The following NCAM2 variants were observed in gnomAD, a reference collection of about 807,000 sequenced individuals.
The protein encoded by NCAM2 is neural cell adhesion molecule 2, also known as N-CAM-2.
Under a neutral mutation model 98.1 loss-of-function variants are expected in NCAM2, and 30 were observed. The observed-to-expected ratio is 0.31, with a 90% CI of 0.23 to 0.41. NCAM2 has a LOEUF of 0.41. Among genes scored for constraint, NCAM2 ranks in the 10% least tolerant of loss-of-function variants. NCAM2 has a pLI of 1.00. For missense variants in NCAM2, 867 were observed against 1,005.8 expected (o/e 0.86, Z 1.87); for synonymous variants, 368 against 342.4 (o/e 1.07, Z -0.83).
chr21:21,119,583 G>A (rs1341302050), intron 1 of NCAM2, among the ~76,000 whole-genome samples: 1 of 151,882 alleles, frequency 6.6e-6, no homozygotes, highest in African/African-American at 2.4e-5. Context: ...CTAATTATAT[G>A]TGTCTTAAAA....
chr21:21,014,913 C>T (rs139433392), intron 1 of NCAM2, among the ~76,000 whole-genome samples: 3 of 152,190 alleles, frequency 2.0e-5, no homozygotes, highest in Non-Finnish European at 4.4e-5. Flanking sequence ...AGTTATTCCT[C>T]GTATTTCTCC....
chr21:21,345,400 A>C (rs1415593467), intron 8 of NCAM2, among the ~76,000 whole-genome samples: 1 of 152,120 alleles, frequency 6.6e-6, no homozygotes, highest in Non-Finnish European at 1.5e-5. Flanking sequence ...TGGAATTCAT[A>C]ATTCTATCAG....
intron 1 of NCAM2, among the ~76,000 whole-genome samples, chr21:21,019,345 T>C (rs1269824919): frequency 1.3e-5 from 2 of 152,348 alleles, no homozygotes; most frequent in Non-Finnish European, 2.9e-5. Context: ...TTATTTTTAT[T>C]TGTAGACATG....
chr21:21,063,910 A>T (rs775199497), intron 1 of NCAM2, among the ~76,000 whole-genome samples: 1 of 152,218 alleles, frequency 6.6e-6, no homozygotes, highest in African/African-American at 2.4e-5. Context: ...GGCCATGGGC[A>T]TGTGATATTT....
rs369358415 is a variant in NCAM2 at position 21,182,923 on chromosome 21, T to C, written c.56-97655T>C. 6.6e-5 allele frequency among the ~76,000 whole-genome samples: 10 copies of C among 152,214 alleles called. 1 individual carries two copies. The highest frequency in any genetic ancestry group is 2.4e-4 in the African/African-American group (10 of 41,564). Reference sequence around the variant, plus strand: ...CTCTTCTGTGAGACAAAATAAATAGTCCAGCAAAAGTAAGATAATTTGATA... The same window carrying C: ...CTCTTCTGTGAGACAAAATAAATAGCCCAGCAAAAGTAAGATAATTTGATA... On this transcript the variant is annotated intron_variant, in intron 1 of 17. Coordinates refer to ENST00000400546, the MANE Select transcript of NCAM2 (RefSeq NM_004540.5).
intron 11 of NCAM2, among the ~76,000 whole-genome samples, chr21:21,425,040 C>CAA (rs1192128472): frequency 0.016 from 701 of 43,808 alleles, 37 homozygotes; most frequent in African/African-American, 0.034. Context: ...CTTCCTCCTC[C>CAA]AAAAAAAAAA....
chr21:21,079,779 C>T (rs561640880), intron 1 of NCAM2, among the ~76,000 whole-genome samples: 1 of 152,274 alleles, frequency 6.6e-6, no homozygotes, highest in East Asian at 1.9e-4. Context: ...GACATTAAGA[C>T]TATCTAGCCA....
chr21:21,070,801 A>G (rs1601276882), intron 1 of NCAM2, among the ~76,000 whole-genome samples: 1 of 152,180 alleles, frequency 6.6e-6, no homozygotes, highest in South Asian at 2.1e-4. Flanking sequence ...ATTGGTAGTA[A>G]CCTACATCCT....
At chr21:21,485,179 T>C (rs1023461956) in intron 15 of NCAM2, among the ~76,000 whole-genome samples, 3 of 152,178 alleles carry the variant, frequency 2.0e-5, no homozygotes, top group African/African-American at 7.2e-5. Flanking sequence ...GGAATAAATG[T>C]GAAACAGTTT....
chr21:21,150,979 TA>T (rs2067431535), intron 1 of NCAM2, among the ~76,000 whole-genome samples: 2 of 101,392 alleles, frequency 2.0e-5, no homozygotes, highest in Non-Finnish European at 4.8e-5. Flanking sequence ...ATTTTAAAAA[TA>T]TATATATATT....
At chr21:21,131,421 G>A (rs1425340284) in intron 1 of NCAM2, among the ~76,000 whole-genome samples, 2 of 152,068 alleles carry the variant, frequency 1.3e-5, no homozygotes, top group African/African-American at 4.8e-5. Flanking sequence ...TTACAGGCAT[G>A]CGCCACCACA....
rs1192128472 is a variant in NCAM2 at position 21,425,040 on chromosome 21, C to CAAAAA, written c.1480+6495_1480+6499dup. On this transcript the variant is annotated intron_variant, in intron 11 of 17. Coordinates refer to ENST00000400546, the MANE Select transcript of NCAM2 (RefSeq NM_004540.5). ...GACAAAAGCGGGACTCTTCCTCCTC[C>CAAAAA]AAAAAAAAAAAAAAAAAAAAAAAAA... is the stretch of plus-strand genomic sequence containing the variant. Among the ~76,000 whole-genome samples, 138 of 43,838 alleles carry CAAAAA rather than the reference C, an allele frequency of 3.1e-3. 8 individuals carry two copies. Among genetic ancestry groups the CAAAAA allele is most frequent in the East Asian group, 5.6e-3 (10 of 1,794 alleles). 28.8% of individuals were successfully genotyped at this position (43,838 alleles called of 152,430 possible). A position where few individuals can be genotyped will look rare whatever the true frequency, so the allele number is the denominator to read the frequency against.
intron 8 of NCAM2, among the ~76,000 whole-genome samples, chr21:21,351,037 G>A (rs2075322545): frequency 6.7e-6 from 1 of 148,896 alleles, no homozygotes; most frequent in African/African-American, 2.5e-5. Context: ...TGGCGTGAAC[G>A]CGGGAGGCGG....
At chr21:21,159,148 A>G (rs1318879033) in intron 1 of NCAM2, among the ~76,000 whole-genome samples, 1 of 152,212 alleles carries the variant, frequency 6.6e-6, no homozygotes, top group African/African-American at 2.4e-5. Context: ...AATTGAAAGT[A>G]GAAAAATTTG....
At position 21,542,062 on chromosome 21, in the gene NCAM2, ACTTCAT is replaced by A. The variant is rs1479876954; in HGVS notation, c.*4109_*4114del. The A allele has an allele frequency of 2.6e-5, 4 of 151,930 alleles. No homozygotes were observed. Among genetic ancestry groups the A allele is most frequent in the Non-Finnish European group, 5.9e-5 (4 of 67,836 alleles). The allele number at this position is 151,930 out of a possible 1,614,324, so 9.4% of individuals were successfully genotyped here. A position where few individuals can be genotyped will look rare whatever the true frequency, so the allele number is the denominator to read the frequency against. On this transcript the variant is annotated 3_prime_UTR_variant, in exon 18 of 18. Transcript: ENST00000400546. The stretch of plus-strand genomic sequence containing the variant: ...ATTATGGATGTCGCAGAAATGAAAT[ACTTCAT>A]CTTAGAAGGTAAAATTTTCAAGAAA...
chr21:21,475,399 T>C (rs1011352684), intron 14 of NCAM2, among the ~76,000 whole-genome samples: 4 of 152,148 alleles, frequency 2.6e-5, no homozygotes, highest in African/African-American at 9.7e-5. Flanking sequence ...GTATTGCACA[T>C]GTCTTGGTCA....
rs148493916 is a variant in NCAM2, at chr21:21,030,041, A to C, written c.55+31423A>C. 6.9e-3 allele frequency among the ~76,000 whole-genome samples: 1,045 copies of C among 152,306 alleles called. 4 individuals carry two copies. Among genetic ancestry groups the C allele is most frequent in the Non-Finnish European group, 0.012 (844 of 68,018 alleles). Reference sequence around the variant, plus strand: ...TCATATTACATTCTTATAATTATTCATGGTATTCAAATGTCTAAAAATTCC... The same window carrying C: ...TCATATTACATTCTTATAATTATTCCTGGTATTCAAATGTCTAAAAATTCC... On this transcript the variant is annotated intron_variant, in intron 1 of 17. Coordinates refer to ENST00000400546, the MANE Select transcript of NCAM2 (RefSeq NM_004540.5).
chr21:21,089,297 C>T (rs2065966375), intron 1 of NCAM2, among the ~76,000 whole-genome samples: 1 of 151,934 alleles, frequency 6.6e-6, no homozygotes. Flanking sequence ...AAAATTTCAT[C>T]GAAAAGAATT....
chr21:21,206,171 T>C lies in NCAM2; in HGVS notation c.56-74407T>C, dbSNP rs568077617. Reference sequence around the variant, plus strand: ...AGTATTCAGAGTAGCGTGTGGGAGATAGAATGATGGTTAACTTGGATTTTG... The same window carrying C: ...AGTATTCAGAGTAGCGTGTGGGAGACAGAATGATGGTTAACTTGGATTTTG... On this transcript the variant is annotated intron_variant, in intron 1 of 17. Coordinates refer to ENST00000400546, the MANE Select transcript of NCAM2 (RefSeq NM_004540.5). 1.4e-4 allele frequency among the ~76,000 whole-genome samples: 22 copies of C among 152,252 alleles called. No homozygotes were observed. The South Asian group carries it at 3.3e-3, about 23-fold the overall frequency.
Sources: gnomAD v4.1 joint callset for allele counts (sites outside exome capture counted in the v4.1 genomes callset) on GRCh38, gnomAD v4.1.1 for gene constraint, MANE v1.5 for transcripts, NCBI Gene and HGNC (gene_info 2026-07-23, HGNC 2026-07-21) for gene names.